Variants in GPHN observed in about 807,000 individuals in gnomAD.
GPHN encodes gephyrin.
GPHN carries 17 observed loss-of-function variants against 95.5 expected under a neutral mutation model. The observed-to-expected ratio is 0.18, with a 90% CI of 0.12 to 0.27. GPHN has a LOEUF of 0.27. GPHN is among the 10% of genes least tolerant of loss of function. GPHN has a pLI of 1.00. For synonymous variants in GPHN, 320 were observed against 322.5 expected (o/e 0.99, Z 0.08); for missense variants, 660 against 978.1 (o/e 0.67, Z 4.34).
intron 1 of GPHN, among the ~76,000 whole-genome samples, chr14:66,592,700 G>T (rs572151641): frequency 6.6e-6 from 1 of 152,186 alleles, no homozygotes; most frequent in Non-Finnish European, 1.5e-5. Flanking sequence ...TACACTGTTG[G>T]TCAGAGTGTG....
the GPHN span, among the ~76,000 whole-genome samples, chr14:67,682,216 AATG>A: frequency 1.1e-4 from 16 of 152,240 alleles, no homozygotes. Context: ...TGGGTAAGGC[AATG>A]ATTTCTTAGA....
intron 11 of GPHN, among the ~76,000 whole-genome samples, chr14:67,087,697 T>C (rs1469863059): frequency 6.6e-6 from 1 of 152,146 alleles, no homozygotes; most frequent in Non-Finnish European, 1.5e-5. Flanking sequence ...CACTTACTTC[T>C]AGGTCCTAGG....
the GPHN span, chr14:67,574,422 A>G: frequency 1.3e-6 from 2 of 1,504,226 alleles, no homozygotes; most frequent in South Asian, 1.3e-5. This position sits in a 1 kb window ranked among gnomAD's most constrained non-coding sequence, Gnocchi z 4.2. Flanking sequence ...TGGGGCTGAT[A>G]GGGCAGGAAC....
intron 2 of GPHN, among the ~76,000 whole-genome samples, chr14:66,733,283 G>A (rs1158030180): frequency 6.6e-6 from 1 of 151,814 alleles, no homozygotes; most frequent in East Asian, 1.9e-4. Context: ...CCAACCATGC[G>A]GAAATGTGAG....
At chr14:67,077,521 T>C (rs1169003118) in intron 11 of GPHN, among the ~76,000 whole-genome samples, 1 of 152,180 alleles carries the variant, frequency 6.6e-6, no homozygotes, top group African/African-American at 2.4e-5. Flanking sequence ...AATTAACTAT[T>C]AATTTTCCCC....
chr14:67,411,928 C>A, the GPHN span: 13 of 1,217,960 alleles, frequency 1.1e-5, no homozygotes, highest in African/African-American at 1.6e-5. Context: ...AGAGCATGCC[C>A]GTTCCGGGGC....
intron 2 of GPHN, among the ~76,000 whole-genome samples, chr14:66,745,688 A>T (rs2058117132): frequency 6.6e-6 from 1 of 152,000 alleles, no homozygotes; most frequent in South Asian, 2.1e-4. Context: ...GTCCACTAAG[A>T]CTTTTATTAT....
chr14:66,707,505 T>C (rs1369629764), intron 2 of GPHN, among the ~76,000 whole-genome samples: 1 of 152,180 alleles, frequency 6.6e-6, no homozygotes, highest in East Asian at 1.9e-4. Flanking sequence ...TGCGATCATG[T>C]CCTTTGAAGG....
Position 66,706,851 on chromosome 14 carries a change from G to T in GPHN, c.143+25666G>T, listed in dbSNP as rs561726546. The stretch of plus-strand genomic sequence containing the variant: ...ACTAAAGAGCTTCTGCACAGCAAAA[G>T]AAACTATCCTCAGAGTGAACAGGCA... On this transcript the variant is annotated intron_variant, in intron 2 of 22. Coordinates refer to ENST00000478722, the MANE Select transcript of GPHN (RefSeq NM_020806.5). Among the ~76,000 whole-genome samples, 8 of 152,126 alleles carry T rather than the reference G, an allele frequency of 5.3e-5. No individual in the cohort carries two copies. In the South Asian group the frequency reaches 1.7e-3, roughly 32 times the overall value.
intron 1 of GPHN, among the ~76,000 whole-genome samples, chr14:66,667,338 A>G (rs368084718): frequency 6.6e-6 from 1 of 152,320 alleles, no homozygotes; most frequent in African/African-American, 2.4e-5. Context: ...AAGAGCCTGA[A>G]TAGCCCAAGC....
At chr14:67,724,101 A>G in the GPHN span, among the ~76,000 whole-genome samples, 2 of 149,268 alleles carry the variant, frequency 1.3e-5, no homozygotes, top group Non-Finnish European at 3.0e-5. Flanking sequence ...AATGTTTATC[A>G]TGCATATGTT....
chr14:67,384,380 T>C, the GPHN span: 1 of 151,958 alleles, frequency 6.6e-6, no homozygotes, highest in Non-Finnish European at 1.5e-5. Context: ...TTTTTTTTTT[T>C]ACATGTTTCC....
intron 9 of GPHN, among the ~76,000 whole-genome samples, chr14:66,981,591 G>C (rs182963293): frequency 6.6e-6 from 1 of 152,086 alleles, no homozygotes; most frequent in East Asian, 1.9e-4. Context: ...TCTTTTCATT[G>C]ATAATCATAA....
the GPHN span, among the ~76,000 whole-genome samples, chr14:67,488,072 C>G: frequency 6.6e-6 from 1 of 152,246 alleles, no homozygotes; most frequent in Non-Finnish European, 1.5e-5. Context: ...AAGGACAGCA[C>G]TCAGGCCCAG....
chr14:67,289,557 A>G, the GPHN span, among the ~76,000 whole-genome samples: 2 of 152,142 alleles, frequency 1.3e-5, no homozygotes, highest in African/African-American at 2.4e-5. Context: ...AAATATATAT[A>G]TGTTTGAAAG....
intron 1 of GPHN, among the ~76,000 whole-genome samples, chr14:66,653,815 A>G (rs2065175613): frequency 6.6e-6 from 1 of 152,184 alleles, no homozygotes; most frequent in South Asian, 2.1e-4. Flanking sequence ...GCCACAGTCT[A>G]ACATTCACTG....
At chr14:66,725,221 C>T (rs1044941214) in intron 2 of GPHN, among the ~76,000 whole-genome samples, 1 of 152,150 alleles carries the variant, frequency 6.6e-6, no homozygotes, top group Admixed American at 6.5e-5. Context: ...TTATGTAATC[C>T]ACCCAGTGTA....
At position 66,668,779 on chromosome 14, in the gene GPHN, C is replaced by T. The variant is rs145223008; in HGVS notation, c.65-12328C>T. Among the ~76,000 whole-genome samples the T allele has an allele frequency of 4.2e-3, 633 of 152,204 alleles. 6 individuals carry two copies. Among genetic ancestry groups the T allele is most frequent in the African/African-American group, 0.014 (594 of 41,556 alleles). On this transcript the variant is annotated intron_variant, in intron 1 of 22. Transcript: ENST00000478722. Reference sequence around the variant, plus strand: ...AAACCTTCACATCCTGCACTTGTACCCGTGAACTTAAAAAAGAAAAAGTGC... The same window carrying T: ...AAACCTTCACATCCTGCACTTGTACTCGTGAACTTAAAAAAGAAAAAGTGC...
intron 9 of GPHN, among the ~76,000 whole-genome samples, chr14:66,991,221 C>T (rs1010767353): frequency 3.3e-5 from 5 of 151,916 alleles, no homozygotes; most frequent in African/African-American, 7.3e-5. Flanking sequence ...ACTTTAAGTG[C>T]GTTTTTAGTA....
Sources: gnomAD v4.1 joint callset for allele counts (sites outside exome capture counted in the v4.1 genomes callset) on GRCh38, gnomAD v4.1.1 for gene constraint, Gnocchi (gnomAD v3.1) non-coding constraint, MANE v1.5 for transcripts, NCBI Gene and HGNC (gene_info 2026-07-23, HGNC 2026-07-21) for gene names.